SLC3A1: variants seen among roughly 807,000 people sequenced by gnomAD.
The protein encoded by SLC3A1 is solute carrier family 3 member 1, also known as amino acid transporter heavy chain SLC3A1.
A neutral mutation model predicts 60.3 loss-of-function variants in SLC3A1; 78 were observed. That is an observed-to-expected ratio of 1.29 (90% CI 1.08 to 1.56). The LOEUF (loss-of-function observed/expected upper bound fraction) is 1.56, where lower values mean the gene tolerates loss of function less well. Ranked by LOEUF, SLC3A1 falls within the 40% of genes most tolerant of loss-of-function variation. The probability of loss-of-function intolerance (pLI) is 0.00; values close to 1 mark genes in which losing one functional copy is unlikely to be tolerated. For missense variants in SLC3A1, 1,172 were observed against 858.9 expected, an observed-to-expected ratio of 1.36 and a Z score of -4.56; for synonymous variants, 392 against 307.9, an observed-to-expected ratio of 1.27 and a Z score of -2.86.
rs1408497251 is a variant in SLC3A1 at position 44,275,683 on chromosome 2, G to A, written c.148G>A (p.Gly50Ser). The stretch of plus-strand genomic sequence containing the variant: ...AGACAACCTGAAGCACAGCACCAGG[G>A]GCATCCTTGGCTCCCAGGAGCCCGA... ...STDNLKHSTR[G>S]ILGSQEPDFK... The change falls in exon 1 of 10, where the codon GGC (glycine) becomes AGC (serine). Residue 50 changes from glycine (G) to serine (S), a missense_variant. Coordinates refer to ENST00000260649, the MANE Select transcript of SLC3A1 (RefSeq NM_000341.4). 5 of 1,614,044 alleles carry A rather than the reference G, an allele frequency of 3.1e-6. No individual in the cohort carries two copies. In the African/African-American group the frequency reaches 6.7e-5, roughly 22 times the overall value.
chr2:44,318,030 T>C, intron 9 of SLC3A1: 1 of 400,072 alleles, frequency 2.5e-6, no homozygotes, highest in Non-Finnish European at 4.9e-6. Flanking sequence ...GACCTAATAA[T>C]TCCATTCCTA....
chr2:44,301,738 C>CA (rs10657360), intron 6 of SLC3A1, among the ~76,000 whole-genome samples: 10,232 of 93,406 alleles, frequency 0.11, 1,066 homozygotes, highest in African/African-American at 0.26. Context: ...GACTCCATCA[C>CA]AAAAAAAAAA....
intron 9 of SLC3A1, chr2:44,318,375 G>A (rs963947462): frequency 1.1e-5 from 2 of 184,512 alleles, no homozygotes; most frequent in South Asian, 1.7e-4. Context: ...ACGGGCCTGA[G>A]CCACCTTGCC....
intron 9 of SLC3A1, chr2:44,314,191 C>T: frequency 9.9e-7 from 1 of 1,014,896 alleles, no homozygotes; most frequent in Non-Finnish European, 1.4e-6. Flanking sequence ...GTCTTCATTG[C>T]AATGACCTTT....
intron 9 of SLC3A1, chr2:44,319,217 TAAC>T (rs1256928781): frequency 1.3e-5 from 2 of 152,494 alleles, no homozygotes; most frequent in East Asian, 1.9e-4. Context: ...ACAACCACAA[TAAC>T]AACTATCACC....
At chr2:44,320,050 C>T (rs1672791983) in intron 9 of SLC3A1, 149 bp from the exon 10 acceptor site, 4 of 644,404 alleles carry the variant, frequency 6.2e-6, no homozygotes, top group Non-Finnish European at 1.1e-5. Context: ...ATTGTTCTTA[C>T]CTACTTATTG....
rs536064487 is a variant in SLC3A1 at position 44,303,588 on chromosome 2, TTTA to T, written c.1137-547_1137-545del. Among the ~76,000 whole-genome samples, 605 of 152,128 alleles carry T rather than the reference TTTA, an allele frequency of 4.0e-3. 3 individuals are homozygous for T. Among genetic ancestry groups the T allele is most frequent in the African/African-American group, 0.014 (575 of 41,478 alleles). On this transcript the variant is annotated intron_variant, in intron 6 of 9. Transcript: ENST00000260649. ...GGGGGTGGATTTTTCTGCCTTATTT[TTTA>T]TTATTATACTTTTAGTTCTGGGGTA...
intron 4 of SLC3A1, among the ~76,000 whole-genome samples, chr2:44,297,112 G>C (rs1398629318): frequency 6.6e-6 from 1 of 152,152 alleles, no homozygotes; most frequent in Non-Finnish European, 1.5e-5. Flanking sequence ...GGGATCTGTG[G>C]CTCTGTTTCC....
intron 7 of SLC3A1, among the ~76,000 whole-genome samples, chr2:44,306,720 A>AT (rs201876608): frequency 8.5e-4 from 128 of 150,214 alleles, no homozygotes; most frequent in African/African-American, 3.0e-3. Flanking sequence ...CACCCAGCTA[A>AT]TTTTTTGTAT....
At chr2:44,299,180 G>A (rs1671935602) in intron 4 of SLC3A1, among the ~76,000 whole-genome samples, 1 of 151,544 alleles carries the variant, frequency 6.6e-6, no homozygotes, top group African/African-American at 2.4e-5. Context: ...CTGGGATTAT[G>A]GGCACCCGCC....
chr2:44,313,202 T>A (rs540732865), intron 8 of SLC3A1, among the ~76,000 whole-genome samples: 117 of 152,276 alleles, frequency 7.7e-4, no homozygotes, highest in African/African-American at 2.7e-3. Flanking sequence ...AGGACCCTTT[T>A]CTTTTCTGTT....
rs551571927 is a variant in SLC3A1 at position 44,320,715 on chromosome 2, T to C, written c.*76T>C. 58 of 1,088,130 alleles carry C rather than the reference T, an allele frequency of 5.3e-5. No homozygotes were observed. The highest frequency in any genetic ancestry group is 7.9e-5 in the Non-Finnish European group (56 of 705,152). 67.4% of individuals were successfully genotyped at this position (1,088,130 alleles called of 1,614,324 possible). On this transcript the variant is annotated 3_prime_UTR_variant, in exon 10 of 10. Coordinates refer to ENST00000260649, the MANE Select transcript of SLC3A1 (RefSeq NM_000341.4). ...ATTTGTAATAGCTTCATGTACAGCATGCTGCTTGGTGAACAATCATTAATT... is the reference window on the plus strand; with the variant it reads ...ATTTGTAATAGCTTCATGTACAGCACGCTGCTTGGTGAACAATCATTAATT...
chr2:44,320,806 T>A lies in SLC3A1; in HGVS notation c.*167T>A. 1.5e-6 allele frequency: 1 copy of A among 651,112 alleles called. No homozygotes were observed. The highest frequency in any genetic ancestry group is 1.9e-5 in the South Asian group (1 of 53,832). 40.3% of individuals were successfully genotyped at this position (651,112 alleles called of 1,614,324 possible). On this transcript the variant is annotated 3_prime_UTR_variant, in exon 10 of 10. Coordinates refer to ENST00000260649, the MANE Select transcript of SLC3A1 (RefSeq NM_000341.4). ...AGGTTCTCAAATGTTTTGAAAAAAATAAAATGTTTAAAAGTAAATTATGGC... is the reference window on the plus strand; with the variant it reads ...AGGTTCTCAAATGTTTTGAAAAAAAAAAAATGTTTAAAAGTAAATTATGGC...
At chr2:44,297,178 G>A (rs1401911889) in intron 4 of SLC3A1, among the ~76,000 whole-genome samples, 1 of 152,180 alleles carries the variant, frequency 6.6e-6, no homozygotes, top group Non-Finnish European at 1.5e-5. Context: ...GCTCTAAAAT[G>A]ATATATACAT....
chr2:44,282,394 T>C (rs1034064798), intron 3 of SLC3A1, among the ~76,000 whole-genome samples: 39 of 152,154 alleles, frequency 2.6e-4, no homozygotes, highest in African/African-American at 9.4e-4. Flanking sequence ...ACATCGTATC[T>C]GCCTCTACCC....
At chr2:44,319,632 A>G (rs1248960083) in intron 9 of SLC3A1, 1 of 153,160 alleles carries the variant, frequency 6.5e-6, no homozygotes, top group East Asian at 1.9e-4. Context: ...GGTAAAAAAA[A>G]GTCTACAATT....
intron 6 of SLC3A1, 40 bp downstream of exon 6, chr2:44,301,167 G>A (rs373285863): frequency 6.2e-7 from 1 of 1,613,328 alleles, no homozygotes; most frequent in African/African-American, 1.3e-5. Context: ...CCCAGGCTTA[G>A]TGTGTGATCT....
At position 44,320,973 on chromosome 2, in the gene SLC3A1, AGAG is replaced by A. The variant is rs1672890264; in HGVS notation, c.*337_*339del. 2 of 400,954 alleles carry A rather than the reference AGAG, an allele frequency of 5.0e-6. No individual in the cohort carries two copies. The highest frequency in any genetic ancestry group is 5.5e-5 in the East Asian group (1 of 18,156). The allele number at this position is 400,954 out of a possible 1,614,324, so 24.8% of individuals were successfully genotyped here. On this transcript the variant is annotated 3_prime_UTR_variant, in exon 10 of 10. Transcript: ENST00000260649. Reference sequence around the variant, plus strand: ...CCCTTAAAATGCAGTCATAGAAATTAGAGGATGACTCACTGCCACAGTGTCTAA... The same window carrying A: ...CCCTTAAAATGCAGTCATAGAAATTAGATGACTCACTGCCACAGTGTCTAA...
intron 4 of SLC3A1, among the ~76,000 whole-genome samples, chr2:44,294,515 A>G (rs903183974): frequency 9.9e-5 from 15 of 152,000 alleles, no homozygotes; most frequent in Non-Finnish European, 1.9e-4. Flanking sequence ...AAAAAAAAAA[A>G]AAAAATTGAA....
Sources: gnomAD v4.1 joint callset for allele counts (sites outside exome capture counted in the v4.1 genomes callset) on GRCh38, gnomAD v4.1.1 for gene constraint, MANE v1.5 for transcripts, NCBI Gene and HGNC (gene_info 2026-07-23, HGNC 2026-07-21) for gene names.